ME1: variants seen among roughly 807,000 people sequenced by gnomAD.
The protein encoded by ME1 is NADP-dependent malic enzyme.
A neutral mutation model predicts 66.4 loss-of-function variants in ME1; 74 were observed. The observed-to-expected ratio is 1.11, with a 90% CI of 0.92 to 1.35. The LOEUF (loss-of-function observed/expected upper bound fraction) is 1.35. Ranked by LOEUF, ME1 falls within the 40% of genes most tolerant of loss-of-function variation. The pLI is 0.00. For missense variants in ME1, 750 were observed against 694.1 expected, an observed-to-expected ratio of 1.08 and a Z score of -0.90; for synonymous variants, 251 against 235.6, an observed-to-expected ratio of 1.07 and a Z score of -0.60.
chr6:83,357,270 A>G (rs950359227), intron 3 of ME1, among the ~76,000 whole-genome samples: 1 of 152,228 alleles, frequency 6.6e-6, no homozygotes, highest in Non-Finnish European at 1.5e-5. Flanking sequence ...TCTTTACTGC[A>G]AAGTCATTCT....
chr6:83,260,914 CA>C (rs35512421), intron 6 of ME1, among the ~76,000 whole-genome samples: 42,175 of 151,652 alleles, frequency 0.28, 6,143 homozygotes, highest in Middle Eastern at 0.39. Flanking sequence ...CTCCAATAAA[CA>C]AAAAAAATGT....
chr6:83,416,073 TAACAC>T (rs1032137861), intron 1 of ME1, among the ~76,000 whole-genome samples: 2 of 152,224 alleles, frequency 1.3e-5, no homozygotes, highest in African/African-American at 4.8e-5. Flanking sequence ...AGATATTATT[TAACAC>T]TTGATTTTGA....
chr6:83,391,805 G>T (rs1283282727), intron 3 of ME1, among the ~76,000 whole-genome samples: 1 of 151,978 alleles, frequency 6.6e-6, no homozygotes, highest in Non-Finnish European at 1.5e-5. Flanking sequence ...CTTCTGTCTG[G>T]CATGTTTCCA....
rs544246774 is a variant in ME1, at chr6:83,319,232, A to C, written c.601-3819T>G. 5.2e-3 allele frequency among the ~76,000 whole-genome samples: 785 copies of C among 151,994 alleles called. 10 individuals carry two copies. The highest frequency in any genetic ancestry group is 0.018 in the African/African-American group (733 of 41,438). Reference sequence around the variant, plus strand: ...GACGAGTTAGTGGGTGCAGCGCACCAGCATGGCACATGTATATGTATGTAA... The same window carrying C: ...GACGAGTTAGTGGGTGCAGCGCACCCGCATGGCACATGTATATGTATGTAA... On this transcript the variant is annotated intron_variant, in intron 5 of 13. Transcript: ENST00000369705.
intron 1 of ME1, among the ~76,000 whole-genome samples, chr6:83,421,756 C>A (rs763433043): frequency 3.3e-5 from 5 of 152,262 alleles, no homozygotes; most frequent in African/African-American, 1.2e-4. Context: ...GAAGGAAGAA[C>A]ATCCAATATT....
At chr6:83,218,733 TC>T (rs1397005090) in intron 12 of ME1, among the ~76,000 whole-genome samples, 1 of 152,216 alleles carries the variant, frequency 6.6e-6, no homozygotes, top group Non-Finnish European at 1.5e-5. Context: ...TGCCCTTCCT[TC>T]TTTTCTCCAA....
At chr6:83,265,154 G>A (rs969631269) in intron 6 of ME1, among the ~76,000 whole-genome samples, 5 of 152,178 alleles carry the variant, frequency 3.3e-5, no homozygotes, top group African/African-American at 9.7e-5. Flanking sequence ...AAAAGATTAT[G>A]ACTCTCTGAA....
At position 83,431,030 on chromosome 6, in the gene ME1, G is replaced by C; in HGVS notation, c.-76C>G. ...CGGTGCAGGCGGCGGATGCTGCTGG[G>C]GTGACGGTGCTGACTGCAGCTGTGG... is the stretch of plus-strand genomic sequence containing the variant. On this transcript the variant is annotated 5_prime_UTR_variant, in exon 1 of 14. Transcript: ENST00000369705. The C allele has an allele frequency of 1.0e-6, 1 of 958,988 alleles. No individual in the cohort carries two copies. The highest frequency in any genetic ancestry group is 1.5e-6 in the Non-Finnish European group (1 of 689,324). 59.4% of individuals were successfully genotyped at this position (958,988 alleles called of 1,614,324 possible).
chr6:83,264,297 A>AT (rs1766948933), intron 6 of ME1, among the ~76,000 whole-genome samples: 2 of 152,184 alleles, frequency 1.3e-5, no homozygotes, highest in African/African-American at 4.8e-5. Context: ...ATTGCTGCTT[A>AT]TTGGCAATGC....
intron 6 of ME1, among the ~76,000 whole-genome samples, chr6:83,311,895 C>T (rs1163788835): frequency 3.3e-5 from 5 of 151,990 alleles, no homozygotes; most frequent in African/African-American, 7.3e-5. Flanking sequence ...AGAGGCAAAA[C>T]GGAGAGCTAA....
chr6:83,393,204 G>A (rs72911774), intron 3 of ME1: 2 of 1,193,000 alleles, frequency 1.7e-6, no homozygotes, highest in Non-Finnish European at 2.5e-6. Context: ...GGCGTCAGAG[G>A]ACCCCCTCAA....
At chr6:83,310,971 A>T (rs1481339725) in intron 6 of ME1, among the ~76,000 whole-genome samples, 1 of 152,134 alleles carries the variant, frequency 6.6e-6, no homozygotes, top group African/African-American at 2.4e-5. Context: ...GCCACATGGA[A>T]TGGGATGTCT....
intron 2 of ME1, among the ~76,000 whole-genome samples, chr6:83,402,077 T>G (rs537125075): frequency 6.6e-6 from 1 of 152,318 alleles, no homozygotes; most frequent in South Asian, 2.1e-4. Context: ...AAACGAAGTG[T>G]GGGGAATGAG....
intron 1 of ME1, among the ~76,000 whole-genome samples, chr6:83,408,664 G>T (rs1769991475): frequency 6.6e-6 from 1 of 152,172 alleles, no homozygotes; most frequent in African/African-American, 2.4e-5. Flanking sequence ...ATTATGCATT[G>T]ATGCATAAAC....
intron 6 of ME1, among the ~76,000 whole-genome samples, chr6:83,283,478 C>G (rs1166866992): frequency 6.6e-6 from 1 of 151,716 alleles, no homozygotes; most frequent in African/African-American, 2.4e-5. Flanking sequence ...GCATCCAGAG[C>G]TTAAAATCTA....
chr6:83,308,215 A>G (rs1355003477), intron 6 of ME1, among the ~76,000 whole-genome samples: 1 of 152,206 alleles, frequency 6.6e-6, no homozygotes, highest in Non-Finnish European at 1.5e-5. Flanking sequence ...GTTTGTGGCC[A>G]TTCCTAGTGC....
At chr6:83,320,739 T>A (rs924511641) in intron 5 of ME1, among the ~76,000 whole-genome samples, 2 of 152,198 alleles carry the variant, frequency 1.3e-5, no homozygotes, top group African/African-American at 4.8e-5. Flanking sequence ...TCCTTTCCCA[T>A]GTTAATAATT....
Position 83,251,823 on chromosome 6 carries a change from C to T in ME1, c.814+1806G>A, listed in dbSNP as rs528810849. On this transcript the variant is annotated intron_variant, in intron 7 of 13. Coordinates refer to ENST00000369705, the MANE Select transcript of ME1 (RefSeq NM_002395.6). ...CACATTCAGGATTTTCATCTTTATC[C>T]TAAGTACAATGAAAATCCATCAAAT... Among the ~76,000 whole-genome samples the T allele has an allele frequency of 3.9e-5, 6 of 152,182 alleles. No homozygotes were observed. The South Asian group carries it at 1.2e-3, about 32-fold the overall frequency.
At chr6:83,249,467 C>T (rs1023058751) in intron 7 of ME1, among the ~76,000 whole-genome samples, 1 of 152,022 alleles carries the variant, frequency 6.6e-6, no homozygotes, top group Non-Finnish European at 1.5e-5. Flanking sequence ...CTTCGTGATC[C>T]GCCCGCCTTG....
Sources: gnomAD v4.1 joint callset for allele counts (sites outside exome capture counted in the v4.1 genomes callset) on GRCh38, gnomAD v4.1.1 for gene constraint, MANE v1.5 for transcripts, NCBI Gene and HGNC (gene_info 2026-07-23, HGNC 2026-07-21) for gene names.